Variants in TMEM132B observed in about 807,000 individuals in gnomAD.
TMEM132B encodes transmembrane protein 132B.
TMEM132B carries 18 observed loss-of-function variants against 90.8 expected under a neutral mutation model. The observed-to-expected ratio is 0.20, with a 90% CI of 0.14 to 0.29. TMEM132B has a LOEUF of 0.29. TMEM132B is among the 10% of genes least tolerant of loss of function. The pLI, the probability that TMEM132B is intolerant of heterozygous loss-of-function variation, is 1.00. For missense variants in TMEM132B, 1,096 were observed against 1,326.8 expected, an observed-to-expected ratio of 0.83 and a Z score of 2.70; for synonymous variants, 504 against 523.3, an observed-to-expected ratio of 0.96 and a Z score of 0.50.
chr12:125,466,760 A>G lies in TMEM132B; in HGVS notation c.1106+51083A>G, dbSNP rs753410821. Among the ~76,000 whole-genome samples the G allele has an allele frequency of 2.4e-4, 37 of 152,372 alleles. 1 individual carries two copies. The Middle Eastern group carries it at 0.01, about 42-fold the overall frequency. On this transcript the variant is annotated intron_variant, in intron 3 of 8. Transcript: ENST00000682704. ...CCTGTGCTGGGGCTCTGCCTTCTGC[A>G]GACACCTGTAGGTTTCCACCAAGTG...
chr12:125,249,041 G>T (rs191138042), intron 1 of TMEM132B, among the ~76,000 whole-genome samples: 100 of 152,294 alleles, frequency 6.6e-4, no homozygotes, highest in African/African-American at 1.8e-3. Context: ...CAGGTGGAGT[G>T]GGGGAGGGCT....
chr12:125,476,826 C>T (rs1881895211), intron 3 of TMEM132B, among the ~76,000 whole-genome samples: 1 of 152,142 alleles, frequency 6.6e-6, no homozygotes, highest in East Asian at 1.9e-4. Flanking sequence ...GGATGGCTCT[C>T]CTGGGAAGTA....
intron 1 of TMEM132B, among the ~76,000 whole-genome samples, chr12:125,198,525 C>T (rs1448609237): frequency 1.3e-5 from 2 of 152,174 alleles, no homozygotes; most frequent in African/African-American, 4.8e-5. Context: ...GCAAGAACCC[C>T]AGGACTGACT....
rs573583969 is a variant in TMEM132B, at chr12:125,251,361, C to T, written c.67+64495C>T. On this transcript the variant is annotated intron_variant, in intron 1 of 8. Coordinates refer to ENST00000682704, the MANE Select transcript of TMEM132B (RefSeq NM_001366854.1). The surrounding 1 kb of genome is among the most constrained non-coding windows in gnomAD (Gnocchi z 4.4). ...AAGAACTGGATGGAAATGTATTTTGCGTCTTGAGATTTTTCTTCAAGGATG... is the reference window on the plus strand; with the variant it reads ...AAGAACTGGATGGAAATGTATTTTGTGTCTTGAGATTTTTCTTCAAGGATG... Among the ~76,000 whole-genome samples, 4 of 152,118 alleles carry T rather than the reference C, an allele frequency of 2.6e-5. No homozygotes were observed. The highest frequency in any genetic ancestry group is 9.7e-5 in the African/African-American group (4 of 41,420).
At position 125,655,678 on chromosome 12, in the gene TMEM132B, G is replaced by A. The variant is rs1368268843; in HGVS notation, c.*968G>A. 1 of 152,168 alleles carries A rather than the reference G, an allele frequency of 6.6e-6. No individual in the cohort carries two copies. The highest frequency in any genetic ancestry group is 1.5e-5 in the Non-Finnish European group (1 of 68,036). 9.4% of individuals were successfully genotyped at this position (152,168 alleles called of 1,614,324 possible). On this transcript the variant is annotated 3_prime_UTR_variant, in exon 9 of 9. Coordinates refer to ENST00000682704, the MANE Select transcript of TMEM132B (RefSeq NM_001366854.1). ...GCTGTATTTATACAAGTGCTTTGTG[G>A]CCAACACAATTTACTATCCAAACTG...
chr12:125,591,999 C>T (rs1160282458), intron 5 of TMEM132B, among the ~76,000 whole-genome samples: 1 of 152,116 alleles, frequency 6.6e-6, no homozygotes, highest in Non-Finnish European at 1.5e-5. Context: ...ACCCACCCTA[C>T]TGTGTAAGGT....
chr12:125,281,868 T>A (rs1000804165), intron 1 of TMEM132B, among the ~76,000 whole-genome samples: 5 of 150,694 alleles, frequency 3.3e-5, no homozygotes, highest in African/African-American at 4.9e-5. Flanking sequence ...CTCTACTAAA[T>A]ATACAAAAAA....
At chr12:125,395,486 T>C (rs990309072) in intron 2 of TMEM132B, among the ~76,000 whole-genome samples, 2 of 152,224 alleles carry the variant, frequency 1.3e-5, no homozygotes, top group African/African-American at 2.4e-5. Context: ...ATTCCCTTTA[T>C]TTAATATTTG....
chr12:125,627,056 C>T lies in TMEM132B; in HGVS notation c.1438-17020C>T, dbSNP rs549859505. Among the ~76,000 whole-genome samples, 8 of 152,228 alleles carry T rather than the reference C, an allele frequency of 5.3e-5. No individual in the cohort carries two copies. In the South Asian group the frequency reaches 1.2e-3, roughly 24 times the overall value. ...TTACCTTCAAATTCACTGCTTCTTT[C>T]CTTGGCTCTGCCTAATCTACTGATG... On this transcript the variant is annotated intron_variant, in intron 5 of 8. Coordinates refer to ENST00000682704, the MANE Select transcript of TMEM132B (RefSeq NM_001366854.1).
chr12:125,542,768 G>A (rs1024789826), intron 4 of TMEM132B, among the ~76,000 whole-genome samples: 1 of 152,206 alleles, frequency 6.6e-6, no homozygotes. Context: ...CCATGTTATA[G>A]CTTCTATGAA....
chr12:125,433,873 C>G (rs531381513), intron 3 of TMEM132B, among the ~76,000 whole-genome samples: 119 of 152,222 alleles, frequency 7.8e-4, no homozygotes, highest in African/African-American at 2.4e-3. Flanking sequence ...GTAATTATCT[C>G]TTTTCCTTTC....
At chr12:125,528,105 G>T (rs1025973675) in intron 4 of TMEM132B, among the ~76,000 whole-genome samples, 3 of 151,932 alleles carry the variant, frequency 2.0e-5, no homozygotes, top group African/African-American at 7.3e-5. Context: ...CCCCCTCTCC[G>T]TGGCTAAGAA....
intron 1 of TMEM132B, among the ~76,000 whole-genome samples, chr12:125,268,236 A>G (rs1210657358): frequency 6.6e-6 from 1 of 152,346 alleles, no homozygotes; most frequent in South Asian, 2.1e-4. Context: ...GTGTTGGCTC[A>G]CCTTCTCTGG....
At chr12:125,283,170 T>A (rs1722948676) in intron 1 of TMEM132B, among the ~76,000 whole-genome samples, 2 of 152,278 alleles carry the variant, frequency 1.3e-5, no homozygotes, top group South Asian at 4.1e-4. Flanking sequence ...CAATTAATGA[T>A]CTGTTTGGCA....
chr12:125,499,908 G>A lies in TMEM132B; in HGVS notation c.1107-19531G>A, dbSNP rs149178591. On this transcript the variant is annotated intron_variant, in intron 3 of 8. Coordinates refer to ENST00000682704, the MANE Select transcript of TMEM132B (RefSeq NM_001366854.1). Reference sequence around the variant, plus strand: ...TCTTATCTTTGTATACTGTACTTCTGCATACAAATGTTATGTTAAAGAATT... The same window carrying A: ...TCTTATCTTTGTATACTGTACTTCTACATACAAATGTTATGTTAAAGAATT... Among the ~76,000 whole-genome samples the A allele has an allele frequency of 7.8e-3, 1,188 of 152,216 alleles. 12 individuals are homozygous for A. Among genetic ancestry groups the A allele is most frequent in the African/African-American group, 0.027 (1,112 of 41,516 alleles).
chr12:125,618,548 G>T (rs770705687), intron 5 of TMEM132B, among the ~76,000 whole-genome samples: 1 of 152,184 alleles, frequency 6.6e-6, no homozygotes, highest in Non-Finnish European at 1.5e-5. Flanking sequence ...AGTGGGTTCT[G>T]GCTCATGTGC....
chr12:125,222,803 A>G (rs1222781665), intron 1 of TMEM132B, among the ~76,000 whole-genome samples: 1 of 152,196 alleles, frequency 6.6e-6, no homozygotes, highest in African/African-American at 2.4e-5. Context: ...CAGTGTGACA[A>G]CCAAAAATGT....
At chr12:125,570,913 C>T (rs546995094) in intron 4 of TMEM132B, among the ~76,000 whole-genome samples, 24 of 152,236 alleles carry the variant, frequency 1.6e-4, no homozygotes, top group African/African-American at 5.3e-4. Flanking sequence ...GCCAGAACCT[C>T]ACAGGCTGGA....
At position 125,486,714 on chromosome 12, in the gene TMEM132B, G is replaced by A. The variant is rs532280282; in HGVS notation, c.1107-32725G>A. 3.3e-5 allele frequency among the ~76,000 whole-genome samples: 5 copies of A among 152,254 alleles called. 1 individual carries two copies. The highest frequency in any genetic ancestry group is 2.1e-4 in the South Asian group (1 of 4,826). On this transcript the variant is annotated intron_variant, in intron 3 of 8. Coordinates refer to ENST00000682704, the MANE Select transcript of TMEM132B (RefSeq NM_001366854.1). ...CACTGCTAGGACCCTCTGAGGGTTCGGTCACTGTAAAATCCTATTTCCCAG... is the reference window on the plus strand; with the variant it reads ...CACTGCTAGGACCCTCTGAGGGTTCAGTCACTGTAAAATCCTATTTCCCAG...
Sources: gnomAD v4.1 joint callset for allele counts (sites outside exome capture counted in the v4.1 genomes callset) on GRCh38, gnomAD v4.1.1 for gene constraint, Gnocchi (gnomAD v3.1) non-coding constraint, MANE v1.5 for transcripts, NCBI Gene and HGNC (gene_info 2026-07-23, HGNC 2026-07-21) for gene names.